GNAI1: variants seen among roughly 807,000 people sequenced by gnomAD.
GNAI1 encodes guanine nucleotide-binding protein G(i) subunit alpha-1.
GNAI1 carries 11 observed loss-of-function variants against 38.9 expected under a neutral mutation model. That is an observed-to-expected ratio of 0.28 (90% CI 0.18 to 0.47). The LOEUF (loss-of-function observed/expected upper bound fraction) is 0.47, where lower values mean the gene tolerates loss of function less well. GNAI1 is among the 20% of genes least tolerant of loss of function. The pLI, the probability that GNAI1 is intolerant of heterozygous loss-of-function variation, is 0.99. For missense variants in GNAI1, 317 were observed against 436.9 expected, an observed-to-expected ratio of 0.73 and a Z score of 2.45; for synonymous variants, 166 against 145.1, an observed-to-expected ratio of 1.14 and a Z score of -1.04.
intron 1 of GNAI1, among the ~76,000 whole-genome samples, chr7:80,165,202 A>G (rs1250045628): frequency 6.6e-6 from 1 of 152,134 alleles, no homozygotes; most frequent in Admixed American, 6.5e-5. Flanking sequence ...CTCCCCTCTT[A>G]AATCTCTAAA....
chr7:80,219,411 T>C lies in GNAI1; in HGVS notation c.*1918T>C, dbSNP rs148712760. The C allele has an allele frequency of 6.6e-6, 1 of 152,610 alleles. No homozygotes were observed. The highest frequency in any genetic ancestry group is 1.5e-5 in the Non-Finnish European group (1 of 68,014). The allele number at this position is 152,610 out of a possible 1,614,324, so 9.5% of individuals were successfully genotyped here. A position where few individuals can be genotyped will look rare whatever the true frequency, so the allele number is the denominator to read the frequency against. ...TTAAATTTTTAAAATTTTACAAACCTATTGGCTAAGTACATTTTGGATTAG... is the reference window on the plus strand; with the variant it reads ...TTAAATTTTTAAAATTTTACAAACCCATTGGCTAAGTACATTTTGGATTAG... On this transcript the variant is annotated 3_prime_UTR_variant, in exon 8 of 8. Coordinates refer to ENST00000649796, the MANE Select transcript of GNAI1 (RefSeq NM_002069.6).
chr7:80,218,034 TACAA>T lies in GNAI1; in HGVS notation c.*545_*548del, dbSNP rs982558894. 10 of 152,744 alleles carry T rather than the reference TACAA, an allele frequency of 6.5e-5. No homozygotes were observed. Among genetic ancestry groups the T allele is most frequent in the Admixed American group, 2.6e-4 (4 of 15,292 alleles). 9.5% of individuals were successfully genotyped at this position (152,744 alleles called of 1,614,324 possible). ...CTTGTATTAATAAAAATGTTATTTGTACAAACATTGCACAGACTATTTTAATAAC... is the reference window on the plus strand; with the variant it reads ...CTTGTATTAATAAAAATGTTATTTGTACATTGCACAGACTATTTTAATAAC... On this transcript the variant is annotated 3_prime_UTR_variant, in exon 8 of 8. Transcript: ENST00000649796.
intron 1 of GNAI1, chr7:80,136,076 C>G: frequency 1.0e-6 from 1 of 980,772 alleles, no homozygotes; most frequent in Non-Finnish European, 1.2e-6. Context: ...TTGCCAGGTA[C>G]ACGCAAGGCT....
At position 80,135,262 on chromosome 7, in the gene GNAI1, C is replaced by G; in HGVS notation, c.102C>G (p.Val34=). The change falls in exon 1 of 8, where the codon GTC becomes GTG. Residue 34 remains valine (V), a synonymous_variant. Coordinates refer to ENST00000649796, the MANE Select transcript of GNAI1 (RefSeq NM_002069.6). ...ACGGCGAGAAGGCGGCGCGCGAGGTCAAGCTGCTGCTGCTCGGTAAGGGCG... is the reference window on the plus strand; with the variant it reads ...ACGGCGAGAAGGCGGCGCGCGAGGTGAAGCTGCTGCTGCTCGGTAAGGGCG... The part of the protein sequence containing the change: ...REDGEKAARE[V]KLLLLGAGES... The G allele has an allele frequency of 6.6e-7, 1 of 1,510,780 alleles. No individual in the cohort carries two copies. The highest frequency in any genetic ancestry group is 1.3e-5 in the South Asian group (1 of 78,034). 93.6% of individuals were successfully genotyped at this position (1,510,780 alleles called of 1,614,324 possible). A position where few individuals can be genotyped will look rare whatever the true frequency, so the allele number is the denominator to read the frequency against.
chr7:80,144,664 C>T (rs570357205), intron 1 of GNAI1, among the ~76,000 whole-genome samples: 5 of 152,164 alleles, frequency 3.3e-5, no homozygotes, highest in Non-Finnish European at 5.9e-5. Context: ...ATTTGACAGC[C>T]GTTGCTGAAG....
intron 1 of GNAI1, among the ~76,000 whole-genome samples, chr7:80,153,332 A>G (rs1204577806): frequency 1.3e-5 from 2 of 152,152 alleles, no homozygotes; most frequent in Non-Finnish European, 2.9e-5. Context: ...TACAATGTGC[A>G]TCTTAAAAAT....
intron 1 of GNAI1, among the ~76,000 whole-genome samples, chr7:80,183,778 C>T (rs911282437): frequency 5.9e-5 from 9 of 152,208 alleles, no homozygotes; most frequent in South Asian, 4.1e-4. Flanking sequence ...ACATTGATAG[C>T]GATAAATTAC....
intron 1 of GNAI1, among the ~76,000 whole-genome samples, chr7:80,177,657 T>A (rs1320382229): frequency 6.6e-6 from 1 of 152,106 alleles, no homozygotes; most frequent in African/African-American, 2.4e-5. Context: ...TTCTTATTTT[T>A]TGTAGAGTTG....
chr7:80,188,891 G>A (rs1473629674), intron 1 of GNAI1, 60 bp from the exon 2 acceptor site: 1 of 1,035,900 alleles, frequency 9.7e-7, no homozygotes, highest in Non-Finnish European at 1.5e-6. Flanking sequence ...TGTGTTGGGA[G>A]TTGAATATAC....
chr7:80,160,275 C>T (rs546002242), intron 1 of GNAI1, among the ~76,000 whole-genome samples: 2 of 151,790 alleles, frequency 1.3e-5, no homozygotes, highest in African/African-American at 2.4e-5. Context: ...TCCATGGAGC[C>T]CAGCTTCTCT....
chr7:80,139,014 T>C (rs1260488270), intron 1 of GNAI1, among the ~76,000 whole-genome samples: 1 of 152,198 alleles, frequency 6.6e-6, no homozygotes, highest in East Asian at 1.9e-4. Context: ...GCAGGGCTTT[T>C]GATTTTTCAT....
intron 3 of GNAI1, among the ~76,000 whole-genome samples, chr7:80,193,491 G>A (rs1460805266): frequency 3.3e-5 from 5 of 152,108 alleles, no homozygotes; most frequent in Admixed American, 1.3e-4. Context: ...CACAGCTTTC[G>A]TAGAATGAGG....
chr7:80,172,740 C>T (rs1303604798), intron 1 of GNAI1, among the ~76,000 whole-genome samples: 1 of 152,188 alleles, frequency 6.6e-6, no homozygotes, highest in Non-Finnish European at 1.5e-5. Context: ...TGTTCAGCGG[C>T]ATTTTTTAGC....
chr7:80,212,187 G>C (rs550900169), intron 6 of GNAI1, among the ~76,000 whole-genome samples: 8 of 152,188 alleles, frequency 5.3e-5, no homozygotes, highest in African/African-American at 1.9e-4. Context: ...TTTCATTTCA[G>C]CACTATAAAA....
intron 3 of GNAI1, among the ~76,000 whole-genome samples, chr7:80,199,009 A>G (rs932287648): frequency 6.6e-6 from 1 of 152,176 alleles, no homozygotes; most frequent in African/African-American, 2.4e-5. Context: ...AGATACTACT[A>G]ACACCACAAA....
intron 1 of GNAI1, among the ~76,000 whole-genome samples, chr7:80,186,023 CTTTTTTTTTTTTT>C (rs533371119): frequency 3.9e-4 from 40 of 103,492 alleles, no homozygotes; most frequent in Non-Finnish European, 6.2e-4. Context: ...CATCCGCACT[CTTTTTTTTTTTTT>C]TTTTTTTTTT....
intron 1 of GNAI1, among the ~76,000 whole-genome samples, chr7:80,139,502 C>A (rs537894358): frequency 5.2e-4 from 79 of 152,272 alleles, no homozygotes; most frequent in African/African-American, 1.8e-3. Context: ...TATCCTTCTG[C>A]CCAGCCTATT....
intron 1 of GNAI1, among the ~76,000 whole-genome samples, chr7:80,139,319 T>C (rs959663047): frequency 6.6e-6 from 1 of 152,214 alleles, no homozygotes; most frequent in South Asian, 2.1e-4. Context: ...ACTGCAGATA[T>C]CATGCTGCTT....
At chr7:80,136,325 G>A (rs2116056017) in intron 1 of GNAI1, among the ~76,000 whole-genome samples, 1 of 152,216 alleles carries the variant, frequency 6.6e-6, no homozygotes, top group South Asian at 2.1e-4. Flanking sequence ...CATTTCCAAG[G>A]ACTGCTTGTA....
Sources: allele counts gnomAD v4.1 joint callset (sites outside exome capture counted in the v4.1 genomes callset), GRCh38; gene constraint gnomAD v4.1.1; transcripts MANE v1.5; gene names NCBI Gene and HGNC (gene_info 2026-07-23, HGNC 2026-07-21).